The following HMCN2 variants were observed in gnomAD, a reference collection of about 807,000 sequenced individuals.
The protein encoded by HMCN2 is hemicentin-2.
A neutral mutation model predicts 377.5 loss-of-function variants in HMCN2; 325 were observed. The observed-to-expected ratio is 0.86, with a 90% CI of 0.79 to 0.94. HMCN2 has a LOEUF of 0.94. HMCN2 is among the 40% of genes least tolerant of loss of function. HMCN2 has a pLI of 0.00. For missense variants in HMCN2, 4,543 were observed against 4,725.3 expected (o/e 0.96, Z 1.13); for synonymous variants, 2,007 against 2,046.8 (o/e 0.98, Z 0.53).
intron 29 of HMCN2, 112 bp downstream of exon 29, chr9:130,349,775 G>A (rs1839600613): frequency 9.2e-7 from 1 of 1,083,254 alleles, no homozygotes; most frequent in Admixed American, 2.9e-5. Context: ...GGCATGGCAT[G>A]TGCCACCCAG....
chr9:130,379,432 C>T lies in HMCN2; in HGVS notation c.8396C>T (p.Pro2799Leu), dbSNP rs1362447415. The change falls in exon 54 of 98, where the codon CCC becomes CTC. Residue 2799 changes from proline (P) to leucine (L), a missense_variant. Transcript: ENST00000683500. ...CTCACCTGGTACAGAGAGGATCAGC[C>T]CCTCTCGGCCGGGGATGAGGTGTCT... ...PDLTWYREDQ[P>L]LSAGDEVSVL... 3.0e-6 allele frequency: 3 copies of T among 985,730 alleles called. No individual in the cohort carries two copies. The highest frequency in any genetic ancestry group is 6.2e-5 in the Admixed American group (1 of 16,260). The allele number at this position is 985,730 out of a possible 1,614,324, so 61.1% of individuals were successfully genotyped here.
intron 75 of HMCN2, among the ~76,000 whole-genome samples, chr9:130,398,938 A>G (rs1411404005): frequency 6.6e-6 from 1 of 152,138 alleles, no homozygotes; most frequent in African/African-American, 2.4e-5. Flanking sequence ...ATTTATATCC[A>G]CCAGAGTCAC....
Position 130,400,829 on chromosome 9 carries a change from G to A in HMCN2, c.11652G>A (p.Met3884Ile). 7.8e-7 allele frequency: 1 copy of A among 1,289,474 alleles called. No individual in the cohort carries two copies. The highest frequency in any genetic ancestry group is 1.0e-6 in the Non-Finnish European group (1 of 988,698). 79.9% of individuals were successfully genotyped at this position (1,289,474 alleles called of 1,614,324 possible). The change falls in exon 77 of 98, where the codon ATG (methionine) becomes ATA (isoleucine). Residue 3884 changes from methionine (M) to isoleucine (I), a missense_variant. Transcript: ENST00000683500. ...ADDQTDFTVTMMAPVVLTCHS... is the reference protein window; with the variant it reads ...ADDQTDFTVTIMAPVVLTCHS... ...ACCAGACAGACTTCACCGTGACCAT[G>A]ATGGCACCTGTGGTCCTCACATGTC...
intron 86 of HMCN2, among the ~76,000 whole-genome samples, chr9:130,420,876 TA>T (rs1380573404): frequency 2.0e-5 from 3 of 152,112 alleles, no homozygotes; most frequent in Non-Finnish European, 4.4e-5. Context: ...GGTGGTGTGG[TA>T]GCATTCAATC....
intron 25 of HMCN2, among the ~76,000 whole-genome samples, chr9:130,344,951 T>TGTATATGTATG (rs1277272024): frequency 6.7e-6 from 1 of 148,760 alleles, no homozygotes; most frequent in Non-Finnish European, 1.5e-5. Context: ...TGTGGTTTGG[T>TGTATATGTATG]GTGTGTAGTG....
intron 86 of HMCN2, 108 bp downstream of exon 86, chr9:130,419,149 A>C: frequency 9.0e-7 from 1 of 1,114,662 alleles, no homozygotes; most frequent in Non-Finnish European, 1.2e-6. Context: ...CCAGCTCCCC[A>C]CCTCTTCCCT....
intron 1 of HMCN2, among the ~76,000 whole-genome samples, chr9:130,279,225 C>G (rs1355348456): frequency 6.6e-6 from 1 of 152,064 alleles, no homozygotes; most frequent in South Asian, 2.1e-4. Flanking sequence ...TCACTGCATG[C>G]GTGATGTATC....
chr9:130,396,271 G>C lies in HMCN2; in HGVS notation c.11156G>C (p.Ser3719Thr). ...GACGGCGTGCCCGCACCCCTCGTGA[G>C]CTGGCGGAAGGACAGGGTCCCCCTG... ...QADGVPAPLV[S>T]WRKDRVPLDP... is the part of the protein sequence containing the mutation. The change falls in exon 73 of 98, where the codon AGC becomes ACC. Residue 3719 changes from serine to threonine, a missense_variant. Physicochemically the swap from Ser to Thr is moderately conservative, Grantham distance 58. Around this residue, in one of 5 missense-constraint regions of HMCN2, gnomAD observed 1,073 missense variants for 1,319.5 expected, o/e 0.81. Transcript: ENST00000683500. 7.8e-7 allele frequency: 1 copy of C among 1,285,022 alleles called. No individual in the cohort carries two copies. Among genetic ancestry groups the C allele is most frequent in the Non-Finnish European group, 1.0e-6 (1 of 984,842 alleles). 79.6% of individuals were successfully genotyped at this position (1,285,022 alleles called of 1,614,324 possible). A position where few individuals can be genotyped will look rare whatever the true frequency, so the allele number is the denominator to read the frequency against.
chr9:130,379,338 T>C lies in HMCN2; in HGVS notation c.8302T>C (p.Tyr2768His), dbSNP rs895440341. 7 of 985,602 alleles carry C rather than the reference T, an allele frequency of 7.1e-6. No individual in the cohort carries two copies. Among genetic ancestry groups the C allele is most frequent in the Non-Finnish European group, 8.4e-6 (7 of 829,936 alleles). The allele number at this position is 985,602 out of a possible 1,614,324, so 61.1% of individuals were successfully genotyped here. The change falls in exon 54 of 98, where the codon TAC becomes CAC. Residue 2768 changes from tyrosine to histidine, a missense_variant. This residue lies in a region of HMCN2 where 736 missense variants were observed against 773.2 expected (regional missense o/e 0.95). Transcript: ENST00000683500. The part of the protein sequence containing the change: ...EEEARGGVTE[Y>H]REIVENNPAY... ...GGAGGCCCGGGGCGGAGTCACGGAATACAGGGAGATCGTGGAGAACAACCC... is the reference window on the plus strand; with the variant it reads ...GGAGGCCCGGGGCGGAGTCACGGAACACAGGGAGATCGTGGAGAACAACCC...
intron 4 of HMCN2, among the ~76,000 whole-genome samples, chr9:130,287,932 G>A (rs1554928586): frequency 6.6e-6 from 1 of 152,214 alleles, no homozygotes; most frequent in East Asian, 1.9e-4. Context: ...ATCTCCAGGA[G>A]TGTGTTTAGA....
intron 1 of HMCN2, among the ~76,000 whole-genome samples, chr9:130,278,309 A>G (rs1554924249): frequency 1.3e-5 from 2 of 151,906 alleles, no homozygotes; most frequent in Non-Finnish European, 2.9e-5. Context: ...TATTTTTAGT[A>G]GAGACGGGGT....
At position 130,349,676 on chromosome 9, in the gene HMCN2, C is replaced by T. The variant is rs190486581; in HGVS notation, c.4430+13C>T. The T allele has an allele frequency of 2.3e-6, 3 of 1,300,026 alleles. No individual in the cohort carries two copies. The African/African-American group carries it at 4.6e-5, about 20-fold the overall frequency. 80.5% of individuals were successfully genotyped at this position (1,300,026 alleles called of 1,614,324 possible). A position where few individuals can be genotyped will look rare whatever the true frequency, so the allele number is the denominator to read the frequency against. ...CCAAGGACAGGCAGTGAGTGCCCCC[C>T]TCCCCGAGGATGGCGTGTGGTGGTG... On this transcript the variant is annotated intron_variant, in intron 29 of 97. Transcript: ENST00000683500.
chr9:130,290,591 G>A (rs1835698130), intron 4 of HMCN2, among the ~76,000 whole-genome samples: 1 of 152,134 alleles, frequency 6.6e-6, no homozygotes, highest in African/African-American at 2.4e-5. Flanking sequence ...TCACATGTTC[G>A]GCGGGCTTCT....
chr9:130,341,803 T>C (rs1839063600), intron 24 of HMCN2, among the ~76,000 whole-genome samples: 1 of 152,190 alleles, frequency 6.6e-6, no homozygotes, highest in African/African-American at 2.4e-5. Context: ...GGGGGGTCCA[T>C]GTGAGAGAGT....
Position 130,414,998 on chromosome 9 carries a change from C to A in HMCN2, c.12962-3774C>A, listed in dbSNP as rs2131770545. The stretch of plus-strand genomic sequence containing the variant: ...GAGTGGGGAGCAATAAGCAGTGCCC[C>A]TCTCCCTCCCAGCCAGGATGGTGCC... On this transcript the variant is annotated intron_variant, in intron 85 of 97. Coordinates refer to ENST00000683500, the MANE Select transcript of HMCN2 (RefSeq NM_001291815.2). This position sits in a 1 kb window ranked among gnomAD's most constrained non-coding sequence, Gnocchi z 4.4. Among the ~76,000 whole-genome samples the A allele has an allele frequency of 6.6e-6, 1 of 152,226 alleles. No homozygotes were observed. Among genetic ancestry groups the A allele is most frequent in the South Asian group, 2.1e-4 (1 of 4,820 alleles).
intron 82 of HMCN2, 99 bp downstream of exon 82, chr9:130,406,267 GGTT>G: frequency 9.5e-7 from 1 of 1,051,194 alleles, no homozygotes; most frequent in African/African-American, 1.6e-5. Flanking sequence ...GAAAGGAAGA[GGTT>G]GTCAGCCAGC....
At chr9:130,396,856 G>T (rs1842631496) in intron 73 of HMCN2, among the ~76,000 whole-genome samples, 1 of 152,218 alleles carries the variant, frequency 6.6e-6, no homozygotes, top group Non-Finnish European at 1.5e-5. Flanking sequence ...CAGATCTAGG[G>T]GCTGCTCTCA....
intron 85 of HMCN2, among the ~76,000 whole-genome samples, chr9:130,411,036 G>T (rs1367984082): frequency 6.6e-6 from 1 of 152,130 alleles, no homozygotes; most frequent in East Asian, 1.9e-4. Flanking sequence ...ATGAACACCT[G>T]TGGAGAAGAG....
chr9:130,275,387 G>A (rs1173517626), intron 1 of HMCN2, among the ~76,000 whole-genome samples: 1 of 152,224 alleles, frequency 6.6e-6, no homozygotes, highest in Non-Finnish European at 1.5e-5. Flanking sequence ...CTGGTTGCAT[G>A]TTCCGGGTTG....
Sources: gnomAD v4.1 joint callset for allele counts (sites outside exome capture counted in the v4.1 genomes callset) on GRCh38, gnomAD v4.1.1 for gene constraint, gnomAD v4.1.1 regional missense constraint, Gnocchi (gnomAD v3.1) non-coding constraint, MANE v1.5 for transcripts, NCBI Gene and HGNC (gene_info 2026-07-23, HGNC 2026-07-21) for gene names.